Variants in PCNX2 observed in about 807,000 individuals in gnomAD.
PCNX2 encodes the protein pecanex 2.
Under a neutral mutation model 223.8 loss-of-function variants are expected in PCNX2, and 168 were observed. The ratio of observed to expected loss-of-function variants is 0.75; its 90% CI spans 0.66 to 0.85. PCNX2 has a LOEUF of 0.85. Among genes scored for constraint, PCNX2 ranks in the 40% least tolerant of loss-of-function variants. The probability of loss-of-function intolerance (pLI) is 0.00; values close to 1 mark genes in which losing one functional copy is unlikely to be tolerated. For synonymous variants in PCNX2, 1,006 were observed against 1,052.6 expected (o/e 0.96, Z 0.86); for missense variants, 2,507 against 2,675.5 (o/e 0.94, Z 1.39).
intron 5 of PCNX2, among the ~76,000 whole-genome samples, chr1:233,254,358 C>T (rs1052259810): frequency 3.9e-5 from 6 of 152,142 alleles, no homozygotes; most frequent in African/African-American, 7.2e-5. Flanking sequence ...AGTAATCATG[C>T]CTCATAAAAA....
the PCNX2 span, among the ~76,000 whole-genome samples, chr1:233,322,259 T>C: frequency 6.6e-6 from 1 of 152,150 alleles, no homozygotes; most frequent in South Asian, 2.1e-4. Flanking sequence ...AGCTCTCTGT[T>C]CTTGTGTTGC....
intron 23 of PCNX2, among the ~76,000 whole-genome samples, chr1:233,078,386 T>C (rs1302465855): frequency 6.6e-6 from 1 of 152,266 alleles, no homozygotes; most frequent in Non-Finnish European, 1.5e-5. Context: ...CATATTTATT[T>C]GAGCCACGTA....
chr1:233,224,456 T>C (rs1657576805), intron 10 of PCNX2, among the ~76,000 whole-genome samples: 2 of 152,232 alleles, frequency 1.3e-5, no homozygotes, highest in African/African-American at 4.8e-5. Flanking sequence ...GATGACTTAA[T>C]CTATGGGAGT....
At chr1:233,054,535 T>G in intron 24 of PCNX2, 52 bp from the exon 25 acceptor site, 1 of 1,432,782 alleles carries the variant, frequency 7.0e-7, no homozygotes, top group Non-Finnish European at 9.7e-7. Flanking sequence ...TTGCTGTGTA[T>G]CCAGACCTAG....
the PCNX2 span, among the ~76,000 whole-genome samples, chr1:233,303,654 T>A: frequency 0.02 from 3,087 of 152,104 alleles, 122 homozygotes; most frequent in African/African-American, 0.07. Context: ...AATTTTTTTT[T>A]ATTATACTTT....
At chr1:233,311,842 G>A in the PCNX2 span, among the ~76,000 whole-genome samples, 8 of 152,206 alleles carry the variant, frequency 5.3e-5, no homozygotes, top group Non-Finnish European at 1.0e-4. Context: ...AATTACAGCC[G>A]GGTGTAGTGG....
Position 233,135,161 on chromosome 1 carries a change from C to A in PCNX2, c.3689G>T (p.Gly1230Val). The A allele has an allele frequency of 6.2e-7, 1 of 1,613,564 alleles. No homozygotes were observed. Among genetic ancestry groups the A allele is most frequent in the Non-Finnish European group, 8.5e-7 (1 of 1,179,758 alleles). The change falls in exon 21 of 34, where the codon GGC (glycine) becomes GTC (valine). Residue 1230 changes from glycine (G) to valine (V), a missense_variant. Gly to Val is a moderately radical substitution (Grantham distance 109). Around this residue, in one of 3 missense-constraint regions of PCNX2, gnomAD observed 1,372 missense variants for 1,509.4 expected, o/e 0.91. Coordinates refer to ENST00000258229, the MANE Select transcript of PCNX2 (RefSeq NM_014801.4). ...HWDIFLMIIAGMKLLRTSFCN... is the reference protein window; with the variant it reads ...HWDIFLMIIAVMKLLRTSFCN... ...GAATGATGTCCGCAACAGCTTCATG[C>A]CAGCAATGATCATCAGAAAAATGTC...
At chr1:233,154,720 C>T (rs1489496402) in intron 19 of PCNX2, among the ~76,000 whole-genome samples, 1 of 152,180 alleles carries the variant, frequency 6.6e-6, no homozygotes. Context: ...TAATTGTAAG[C>T]TCCTCACTTA....
At chr1:233,175,744 C>T (rs981884078) in intron 17 of PCNX2, among the ~76,000 whole-genome samples, 1 of 152,036 alleles carries the variant, frequency 6.6e-6, no homozygotes, top group Non-Finnish European at 1.5e-5. Flanking sequence ...GCTGCTTTGA[C>T]TTTTAACCTG....
At chr1:233,316,104 G>A in the PCNX2 span, among the ~76,000 whole-genome samples, 121 of 152,318 alleles carry the variant, frequency 7.9e-4, 2 homozygotes, top group Middle Eastern at 0.031. Context: ...ATTATTGAAT[G>A]AAGTAGCTCA....
intron 22 of PCNX2, 121 bp downstream of exon 22, chr1:233,095,634 C>A: frequency 1.1e-6 from 1 of 908,310 alleles, no homozygotes; most frequent in Non-Finnish European, 1.8e-6. Flanking sequence ...CTCTTCATGT[C>A]CCCATTAAAA....
At chr1:232,986,589 T>G (rs1310498344) in intron 32 of PCNX2, 49 bp from the exon 33 acceptor site, 3 of 1,439,522 alleles carry the variant, frequency 2.1e-6, no homozygotes, top group Non-Finnish European at 2.7e-6. Context: ...GTCATGAACA[T>G]CGATACCTGT....
At chr1:233,016,717 T>C in intron 27 of PCNX2, 2 of 940,648 alleles carry the variant, frequency 2.1e-6, no homozygotes, top group Non-Finnish European at 2.5e-6. Flanking sequence ...TCTATATCTT[T>C]AAGTGTCCTT....
chr1:233,170,362 C>T (rs972855718), intron 17 of PCNX2, among the ~76,000 whole-genome samples: 11 of 152,086 alleles, frequency 7.2e-5, no homozygotes, highest in Non-Finnish European at 1.6e-4. Context: ...AATGGTGAGT[C>T]GGTGTGATTT....
intron 26 of PCNX2, chr1:233,019,341 G>T: frequency 2.7e-6 from 1 of 369,960 alleles, no homozygotes; most frequent in Non-Finnish European, 3.7e-6. Context: ...TCAGTAGTGT[G>T]CCTGTTCTCC....
intron 21 of PCNX2, among the ~76,000 whole-genome samples, chr1:233,129,280 C>T (rs1223794153): frequency 1.3e-5 from 2 of 150,012 alleles, no homozygotes; most frequent in South Asian, 2.1e-4. Context: ...CGCTGGGTCC[C>T]CCAGCAGTGC....
intron 17 of PCNX2, among the ~76,000 whole-genome samples, chr1:233,163,561 T>C (rs1678623261): frequency 6.6e-6 from 1 of 151,592 alleles, no homozygotes; most frequent in Admixed American, 6.6e-5. Flanking sequence ...ATATATATAA[T>C]TCTGGTTATG....
At chr1:233,272,058 AAC>A (rs1237456149) in intron 1 of PCNX2, among the ~76,000 whole-genome samples, 1 of 152,124 alleles carries the variant, frequency 6.6e-6, no homozygotes, top group African/African-American at 2.4e-5. Flanking sequence ...ACATTGGAAA[AAC>A]CCTTCTAGAC....
rs1659845927 is a variant in PCNX2 at position 233,258,307 on chromosome 1, A to G, written c.1555T>C (p.Cys519Arg). 1 of 1,613,898 alleles carries G rather than the reference A, an allele frequency of 6.2e-7. No homozygotes were observed. Among genetic ancestry groups the G allele is most frequent in the Non-Finnish European group, 8.5e-7 (1 of 1,179,898 alleles). ...EGQTNLDPSS[C>R]KSSHEKRHAR... Reference sequence around the variant, plus strand: ...TGCCTCTTTTCATGGCTGGACTTACAAGACGATGGGTCAAGGTTAGTCTGG... The same window carrying G: ...TGCCTCTTTTCATGGCTGGACTTACGAGACGATGGGTCAAGGTTAGTCTGG... Residue 519 changes from cysteine to arginine, a missense_variant, in exon 5 of 34, where the codon TGT becomes CGT. Coordinates refer to ENST00000258229, the MANE Select transcript of PCNX2 (RefSeq NM_014801.4).
Sources: gnomAD v4.1 joint callset for allele counts (sites outside exome capture counted in the v4.1 genomes callset) on GRCh38, gnomAD v4.1.1 for gene constraint, gnomAD v4.1.1 regional missense constraint, MANE v1.5 for transcripts, NCBI Gene and HGNC (gene_info 2026-07-23, HGNC 2026-07-21) for gene names.